Variants in PCDHGB5 observed in about 807,000 individuals in gnomAD.
PCDHGB5 encodes the protein protocadherin gamma-B5.
In PCDHGB5, 48 loss-of-function variants were observed where a neutral mutation model predicts 62.9. The observed-to-expected ratio is 0.76, with a 90% CI of 0.61 to 0.97. The LOEUF is 0.97. PCDHGB5 is among the 50% of genes least tolerant of loss of function. The probability of loss-of-function intolerance (pLI) is 0.00; values close to 1 mark genes in which losing one functional copy is unlikely to be tolerated. For synonymous variants in PCDHGB5, 474 were observed against 511.2 expected (o/e 0.93, Z 0.98); for missense variants, 1,118 against 1,198.6 (o/e 0.93, Z 0.99).
chr5:141,404,133 T>C, intron 1 of PCDHGB5: 1 of 1,613,108 alleles, frequency 6.2e-7, no homozygotes, highest in Non-Finnish European at 8.5e-7. Flanking sequence ...TCTTTTACAT[T>C]AGAAAATTCA....
intron 2 of PCDHGB5, among the ~76,000 whole-genome samples, chr5:141,497,483 C>T (rs1039341023): frequency 6.6e-6 from 1 of 150,378 alleles, no homozygotes; most frequent in Non-Finnish European, 1.5e-5. Context: ...AGGTGCGGAA[C>T]CTCTCTCTCT....
chr5:141,409,608 C>T, intron 1 of PCDHGB5: 18 of 1,613,942 alleles, frequency 1.1e-5, no homozygotes, highest in Non-Finnish European at 1.4e-5. Flanking sequence ...CCGCCAGGAG[C>T]CTCCATTGCG....
At chr5:141,510,040 G>A (rs2099879305) in intron 3 of PCDHGB5, among the ~76,000 whole-genome samples, 1 of 152,220 alleles carries the variant, frequency 6.6e-6, no homozygotes, top group Non-Finnish European at 1.5e-5. Flanking sequence ...GTTATGTAGA[G>A]GTTAAAAGTG....
At chr5:141,502,309 T>G (rs1395136136) in intron 2 of PCDHGB5, among the ~76,000 whole-genome samples, 2 of 152,196 alleles carry the variant, frequency 1.3e-5, no homozygotes, top group Admixed American at 6.5e-5. Flanking sequence ...TTTCCTCTCC[T>G]TTAATCTGGA....
intron 1 of PCDHGB5, chr5:141,484,969 G>A: frequency 3.4e-6 from 2 of 584,588 alleles, no homozygotes; most frequent in Admixed American, 3.2e-5. Flanking sequence ...CCCGGGAGCC[G>A]CTGTCTGCCA....
chr5:141,413,699 A>T (rs2095668539), intron 1 of PCDHGB5: 2 of 1,613,762 alleles, frequency 1.2e-6, no homozygotes, highest in East Asian at 4.5e-5. Context: ...CAGAGCTATC[A>T]GCTCAGCCCC....
chr5:141,400,368 C>T lies in PCDHGB5; in HGVS notation c.2241C>T (p.Ser747=). Residue 747 remains serine (S), a synonymous_variant, in exon 1 of 4, where the codon TCC becomes TCT. Coordinates refer to ENST00000617380, the MANE Select transcript of PCDHGB5 (RefSeq NM_018925.3). ...PNYSQGTLPY[S]YNLCVAHTGK... ...ACAGTCAGGGGACTTTGCCTTATTC[C>T]TACAACCTATGTGTTGCACATACAG... is the stretch of plus-strand genomic sequence containing the variant. 8.1e-6 allele frequency: 13 copies of T among 1,614,044 alleles called. No homozygotes were observed. The highest frequency in any genetic ancestry group is 1.6e-4 in the Middle Eastern group (1 of 6,062).
rs754225999 is a variant in PCDHGB5, at chr5:141,489,509, T to C, written c.2398-5298T>C. The C allele has an allele frequency of 1.2e-6, 2 of 1,614,062 alleles. No homozygotes were observed. The highest frequency in any genetic ancestry group is 1.1e-5 in the South Asian group (1 of 91,074). On this transcript the variant is annotated intron_variant, in intron 1 of 3. Coordinates refer to ENST00000617380, the MANE Select transcript of PCDHGB5 (RefSeq NM_018925.3). The surrounding 1 kb of genome is among the most constrained non-coding windows in gnomAD (Gnocchi z 4.5). ...GGTGCCCTGGCAGTGAATCAAAAGA[T>C]TGACCGAGAAAGCCTATGTGGAGCC...
intron 1 of PCDHGB5, chr5:141,427,889 G>A: frequency 1.3e-6 from 2 of 1,566,516 alleles, no homozygotes; most frequent in Non-Finnish European, 1.7e-6. Context: ...CCCACGACCA[G>A]GGCTCGCCCG....
chr5:141,421,328 A>G (rs1355932974), intron 1 of PCDHGB5: 1 of 1,613,902 alleles, frequency 6.2e-7, no homozygotes. Flanking sequence ...CAGATCCGAT[A>G]TTCGGTGCCA....
chr5:141,478,199 C>G, intron 1 of PCDHGB5: 1 of 1,614,056 alleles, frequency 6.2e-7, no homozygotes, highest in Non-Finnish European at 8.5e-7. Flanking sequence ...CTTTTATCTA[C>G]TTCTTTCTCT....
At chr5:141,439,029 G>A (rs2098083069) in intron 1 of PCDHGB5, among the ~76,000 whole-genome samples, 1 of 151,510 alleles carries the variant, frequency 6.6e-6, no homozygotes, top group Non-Finnish European at 1.5e-5. Flanking sequence ...GAAAATAGAT[G>A]CCTCAGTTCA....
chr5:141,462,209 C>T (rs1158675305), intron 1 of PCDHGB5, among the ~76,000 whole-genome samples: 6 of 152,172 alleles, frequency 3.9e-5, no homozygotes, highest in Non-Finnish European at 8.8e-5. Flanking sequence ...ATCCGCCTGC[C>T]TCGGCCTCCC....
intron 1 of PCDHGB5, chr5:141,420,568 T>C (rs2096507107): frequency 8.5e-6 from 2 of 235,080 alleles, no homozygotes; most frequent in African/African-American, 2.3e-5. Flanking sequence ...CGGCATGGTA[T>C]TTTAATTGAA....
chr5:141,474,244 A>G (rs910247549), intron 1 of PCDHGB5, among the ~76,000 whole-genome samples: 26 of 152,270 alleles, frequency 1.7e-4, no homozygotes, highest in Non-Finnish European at 3.2e-4. Context: ...TGAATAGGGG[A>G]AAAAAAGACT....
intron 1 of PCDHGB5, chr5:141,430,744 C>T: frequency 6.7e-7 from 1 of 1,498,404 alleles, no homozygotes; most frequent in Non-Finnish European, 8.9e-7. Flanking sequence ...GAAAATAATT[C>T]TGGAGGAAGA....
Position 141,476,013 on chromosome 5 carries a change from G to A in PCDHGB5, c.2398-18794G>A. ...AAATCAACGGCATCCAGAAAGCCAT[G>A]TCGGACTCGGCGCCCAGCGCCCAAG... On this transcript the variant is annotated intron_variant, in intron 1 of 3. Coordinates refer to ENST00000617380, the MANE Select transcript of PCDHGB5 (RefSeq NM_018925.3). The surrounding 1 kb of genome is among the most constrained non-coding windows in gnomAD (Gnocchi z 7.6). The A allele has an allele frequency of 7.5e-7, 1 of 1,334,720 alleles. No individual in the cohort carries two copies. The highest frequency in any genetic ancestry group is 1.0e-6 in the Non-Finnish European group (1 of 983,502). 82.7% of individuals were successfully genotyped at this position (1,334,720 alleles called of 1,614,324 possible). A position where few individuals can be genotyped will look rare whatever the true frequency, so the allele number is the denominator to read the frequency against.
rs2093770836 is a variant in PCDHGB5 at position 141,399,213 on chromosome 5, T to C, written c.1086T>C (p.Ile362=). 1 of 1,613,852 alleles carries C rather than the reference T, an allele frequency of 6.2e-7. No homozygotes were observed. Among genetic ancestry groups the C allele is most frequent in the Non-Finnish European group, 8.5e-7 (1 of 1,179,880 alleles). The change falls in exon 1 of 4, where the codon ATT becomes ATC. Residue 362 remains isoleucine (I), a synonymous_variant. Coordinates refer to ENST00000617380, the MANE Select transcript of PCDHGB5 (RefSeq NM_018925.3). ...AAAACGCGGTGCCTGGAACACTAATTGCTTTGATCAAAATACATGACCAAG... is the reference window on the plus strand; with the variant it reads ...AAAACGCGGTGCCTGGAACACTAATCGCTTTGATCAAAATACATGACCAAG... ...ILENAVPGTL[I]ALIKIHDQDS...
intron 1 of PCDHGB5, among the ~76,000 whole-genome samples, chr5:141,437,421 T>G (rs971034611): frequency 1.2e-4 from 19 of 152,238 alleles, no homozygotes; most frequent in African/African-American, 4.6e-4. Flanking sequence ...TTATGCTTTT[T>G]GAAGCAGCAA....
Sources: gnomAD v4.1 joint callset for allele counts (sites outside exome capture counted in the v4.1 genomes callset) on GRCh38, gnomAD v4.1.1 for gene constraint, Gnocchi (gnomAD v3.1) non-coding constraint, MANE v1.5 for transcripts, NCBI Gene and HGNC (gene_info 2026-07-23, HGNC 2026-07-21) for gene names.